Variants in SORCS2 observed in about 807,000 individuals in gnomAD.
The protein encoded by SORCS2 is sortilin related VPS10 domain containing receptor 2, also known as VPS10 domain-containing receptor SorCS2.
A neutral mutation model predicts 141.6 loss-of-function variants in SORCS2; 100 were observed. That is an observed-to-expected ratio of 0.71 (90% CI 0.60 to 0.83). The LOEUF is 0.83. Ranked by LOEUF, SORCS2 falls within the 40% of genes least tolerant of loss-of-function variation. The pLI is 0.00. For synonymous variants in SORCS2, 789 were observed against 676.9 expected (o/e 1.17, Z -2.57); for missense variants, 1,646 against 1,560.2 (o/e 1.05, Z -0.93).
intron 12 of SORCS2, among the ~76,000 whole-genome samples, chr4:7,701,307 G>A (rs1419664963): frequency 6.6e-6 from 1 of 152,014 alleles, no homozygotes; most frequent in East Asian, 1.9e-4. Flanking sequence ...AAGGTTTTGG[G>A]ACATAGCTGC....
chr4:7,422,907 C>T (rs1480348714), intron 2 of SORCS2, among the ~76,000 whole-genome samples: 1 of 152,212 alleles, frequency 6.6e-6, no homozygotes, highest in Non-Finnish European at 1.5e-5. Context: ...CAGGGCACCC[C>T]GCGGGGATCC....
intron 5 of SORCS2, among the ~76,000 whole-genome samples, chr4:7,655,761 G>A (rs1340470530): frequency 6.6e-6 from 1 of 152,228 alleles, no homozygotes; most frequent in Non-Finnish European, 1.5e-5. Context: ...GCTCGCAGAG[G>A]TGGGGAGCAG....
At chr4:7,472,148 A>G (rs920519361) in intron 2 of SORCS2, among the ~76,000 whole-genome samples, 3 of 152,196 alleles carry the variant, frequency 2.0e-5, no homozygotes, top group Non-Finnish European at 4.4e-5. Context: ...TGTCCCTGGC[A>G]CTGCCCTGGG....
At chr4:7,605,879 G>T (rs1718027869) in intron 3 of SORCS2, among the ~76,000 whole-genome samples, 1 of 152,156 alleles carries the variant, frequency 6.6e-6, no homozygotes, top group Non-Finnish European at 1.5e-5. Flanking sequence ...GGTGAGCAGA[G>T]AACACCCTCC....
At chr4:7,318,658 C>T (rs1416204549) in intron 1 of SORCS2, among the ~76,000 whole-genome samples, 3 of 152,218 alleles carry the variant, frequency 2.0e-5, no homozygotes, top group Admixed American at 1.3e-4. Context: ...CTGTCTCAAT[C>T]ATCGCAGCTA....
At chr4:7,715,132 T>A in intron 16 of SORCS2, 51 bp from the exon 17 acceptor site, 1 of 1,603,166 alleles carries the variant, frequency 6.2e-7, no homozygotes, top group South Asian at 1.1e-5. Flanking sequence ...CCTGGGTGAC[T>A]CCGGTTCCCA....
intron 3 of SORCS2, among the ~76,000 whole-genome samples, chr4:7,637,272 C>T (rs1720319511): frequency 2.0e-5 from 3 of 152,072 alleles, no homozygotes; most frequent in African/African-American, 4.8e-5. Context: ...CTGCTCCAGC[C>T]CCATATCTGC....
intron 1 of SORCS2, among the ~76,000 whole-genome samples, chr4:7,373,474 ATATATTTTTTTTTTTT>A (rs1722398133): frequency 1.9e-5 from 1 of 52,450 alleles, no homozygotes; most frequent in African/African-American, 1.3e-4. Context: ...ATATATATAT[ATATATTTTTTTTTTTT>A]TTTTTTTTTT....
chr4:7,244,675 C>T (rs369737579), intron 1 of SORCS2, among the ~76,000 whole-genome samples: 8 of 152,342 alleles, frequency 5.3e-5, no homozygotes, highest in African/African-American at 1.2e-4. Context: ...CCACTCTGTG[C>T]GGTTGCCCCT....
At chr4:7,659,272 T>C (rs1722000206) in intron 5 of SORCS2, among the ~76,000 whole-genome samples, 1 of 146,308 alleles carries the variant, frequency 6.8e-6, no homozygotes, top group Non-Finnish European at 1.5e-5. Context: ...AAGGTTCCTT[T>C]CATCAAAAAA....
intron 1 of SORCS2, among the ~76,000 whole-genome samples, chr4:7,220,537 G>A (rs1008339306): frequency 1.3e-5 from 2 of 152,134 alleles, no homozygotes; most frequent in Admixed American, 6.6e-5. Context: ...TGATTTTCAA[G>A]CTGATTTCTG....
chr4:7,494,033 AGACACACACACATACACTCACATGCT>A (rs1351244108), intron 2 of SORCS2, among the ~76,000 whole-genome samples: 1 of 87,678 alleles, frequency 1.1e-5, no homozygotes, highest in Non-Finnish European at 2.9e-5. Flanking sequence ...ACACACACAC[AGACACACACACATACACTCACATGCT>A]CACACACACA....
intron 14 of SORCS2, among the ~76,000 whole-genome samples, chr4:7,706,132 TCCGC>T (rs1725433035): frequency 7.5e-6 from 1 of 133,028 alleles, no homozygotes; most frequent in Admixed American, 7.6e-5. Flanking sequence ...GAGGCTGGGC[TCCGC>T]CTGGACAGAG....
At chr4:7,695,010 T>C (rs886158094) in intron 11 of SORCS2, among the ~76,000 whole-genome samples, 2 of 151,856 alleles carry the variant, frequency 1.3e-5, no homozygotes, top group African/African-American at 4.8e-5. Context: ...GCCACCCTTG[T>C]CTGCTAGATT....
chr4:7,341,442 G>A (rs1344698386), intron 1 of SORCS2, among the ~76,000 whole-genome samples: 1 of 152,200 alleles, frequency 6.6e-6, no homozygotes, highest in Non-Finnish European at 1.5e-5. Context: ...TTGGCTGTTT[G>A]TGGCCAGGTT....
chr4:7,634,071 A>G lies in SORCS2; in HGVS notation c.649-4257A>G, dbSNP rs951658720. 8.0e-5 allele frequency among the ~76,000 whole-genome samples: 7 copies of G among 87,128 alleles called. 2 individuals carry two copies. In the South Asian group the frequency reaches 1.4e-3, roughly 18 times the overall value. 57.2% of individuals were successfully genotyped at this position (87,128 alleles called of 152,430 possible). On this transcript the variant is annotated intron_variant, in intron 3 of 26. Transcript: ENST00000507866. Reference sequence around the variant, plus strand: ...TATCCAGGGAATCCACGTGCAGTGTATGCAGAACTTTGGGAGGGACAGGCC... The same window carrying G: ...TATCCAGGGAATCCACGTGCAGTGTGTGCAGAACTTTGGGAGGGACAGGCC...
chr4:7,431,956 G>T (rs1726893762), intron 2 of SORCS2: 1 of 152,218 alleles, frequency 6.6e-6, no homozygotes, highest in African/African-American at 2.4e-5. Flanking sequence ...TTCCACCCCC[G>T]GGACTCATGT....
At chr4:7,230,885 G>A (rs1434808921) in intron 1 of SORCS2, among the ~76,000 whole-genome samples, 1 of 152,204 alleles carries the variant, frequency 6.6e-6, no homozygotes. Context: ...CTCTGGGCAG[G>A]AGCAGTGTCA....
chr4:7,370,142 T>G (rs1027941600), intron 1 of SORCS2, among the ~76,000 whole-genome samples: 2 of 152,168 alleles, frequency 1.3e-5, no homozygotes, highest in Non-Finnish European at 2.9e-5. Flanking sequence ...GAGGCCCTTT[T>G]TTTTGCTCAA....
Sources: allele counts gnomAD v4.1 joint callset (sites outside exome capture counted in the v4.1 genomes callset), GRCh38; gene constraint gnomAD v4.1.1; transcripts MANE v1.5; gene names NCBI Gene and HGNC (gene_info 2026-07-23, HGNC 2026-07-21).